Variants in N4BP2L2 observed in about 807,000 individuals in gnomAD.
N4BP2L2 encodes NEDD4 binding protein 2 like 2.
N4BP2L2 carries 50 observed loss-of-function variants against 56.2 expected under a neutral mutation model. The ratio of observed to expected loss-of-function variants is 0.89; its 90% CI spans 0.71 to 1.13. The LOEUF (loss-of-function observed/expected upper bound fraction) is 1.13, where lower values mean the gene tolerates loss of function less well. Ranked by LOEUF, N4BP2L2 falls within the 50% of genes most tolerant of loss-of-function variation. The pLI is 0.00. For synonymous variants in N4BP2L2, 203 were observed against 223.6 expected, an observed-to-expected ratio of 0.91 and a Z score of 0.82; for missense variants, 689 against 693.8, an observed-to-expected ratio of 0.99 and a Z score of 0.08.
At chr13:32,450,709 C>T (rs994993037) in intron 6 of N4BP2L2, among the ~76,000 whole-genome samples, 1 of 136,156 alleles carries the variant, frequency 7.3e-6, no homozygotes, top group Admixed American at 6.9e-5. Context: ...CAGCTCACTG[C>T]AGCCTCTACC....
intron 6 of N4BP2L2, among the ~76,000 whole-genome samples, chr13:32,491,317 C>T (rs2087007926): frequency 6.6e-6 from 1 of 151,942 alleles, no homozygotes; most frequent in South Asian, 2.1e-4. Context: ...CTCAGCATTA[C>T]CATTATTACT....
At chr13:32,520,276 T>C (rs1171729028) in intron 5 of N4BP2L2, among the ~76,000 whole-genome samples, 1 of 151,582 alleles carries the variant, frequency 6.6e-6, no homozygotes, top group Non-Finnish European at 1.5e-5. Context: ...AGGTGAATTG[T>C]AAGGGTACGT....
chr13:32,441,214 C>T lies in N4BP2L2; in HGVS notation c.2104+1174G>A, dbSNP rs573570968. ...TTTAAGTCAACTAGTCAGGCTTCCA[C>T]CTCATCCCTTCAGTATCCTTTTCAG... On this transcript the variant is annotated intron_variant, in intron 7 of 9. Coordinates refer to the N4BP2L2 transcript ENST00000357505. Among the ~76,000 whole-genome samples, 9 of 152,264 alleles carry T rather than the reference C, an allele frequency of 5.9e-5. No homozygotes were observed. In the South Asian group the frequency reaches 1.9e-3, roughly 32 times the overall value.
chr13:32,470,497 T>C (rs1414796838), intron 6 of N4BP2L2, among the ~76,000 whole-genome samples: 3 of 152,212 alleles, frequency 2.0e-5, no homozygotes, highest in Admixed American at 1.3e-4. Context: ...TGACCACAGA[T>C]AGCTTTGGCT....
chr13:32,465,931 C>T (rs367899918), intron 6 of N4BP2L2, among the ~76,000 whole-genome samples: 9 of 152,246 alleles, frequency 5.9e-5, no homozygotes, highest in East Asian at 1.9e-4. Flanking sequence ...GGATTATAGG[C>T]GTGAGCCACC....
chr13:32,458,412 C>A (rs1438308916), intron 6 of N4BP2L2, among the ~76,000 whole-genome samples: 1 of 152,106 alleles, frequency 6.6e-6, no homozygotes, highest in Non-Finnish European at 1.5e-5. Flanking sequence ...ACAAGAAACT[C>A]ATTTCTCCTG....
intron 2 of N4BP2L2, among the ~76,000 whole-genome samples, chr13:32,534,240 CATATT>C (rs2055893809): frequency 6.6e-6 from 1 of 152,152 alleles, no homozygotes; most frequent in African/African-American, 2.4e-5. Context: ...AATAAATATA[CATATT>C]ATATCTAATC....
At chr13:32,489,179 A>G (rs1056584835) in intron 6 of N4BP2L2, among the ~76,000 whole-genome samples, 25 of 152,252 alleles carry the variant, frequency 1.6e-4, no homozygotes, top group African/African-American at 6.0e-4. Flanking sequence ...AGATTCTAAA[A>G]AAGTTTATTT....
chr13:32,488,498 C>T (rs887009704), intron 6 of N4BP2L2, among the ~76,000 whole-genome samples: 2 of 152,078 alleles, frequency 1.3e-5, no homozygotes, highest in African/African-American at 2.4e-5. Flanking sequence ...ACACAATATT[C>T]CCATGTACTC....
At chr13:32,481,757 T>A (rs2084791848) in intron 6 of N4BP2L2, among the ~76,000 whole-genome samples, 1 of 152,202 alleles carries the variant, frequency 6.6e-6, no homozygotes, top group African/African-American at 2.4e-5. Flanking sequence ...TTGTTTAGCT[T>A]TCCTTCTTGA....
intron 6 of N4BP2L2, chr13:32,446,305 A>AT (rs1295165344): frequency 8.1e-7 from 1 of 1,236,200 alleles, no homozygotes; most frequent in African/African-American, 1.5e-5. Context: ...TAAAAAGGAT[A>AT]TTGAGTAAAG....
intron 6 of N4BP2L2, among the ~76,000 whole-genome samples, chr13:32,452,783 A>T (rs1481660856): frequency 1.3e-5 from 2 of 152,226 alleles, no homozygotes; most frequent in Non-Finnish European, 2.9e-5. Flanking sequence ...CCTATCATAA[A>T]CATAATTTCT....
chr13:32,460,133 CTG>C (rs964337026), intron 6 of N4BP2L2, among the ~76,000 whole-genome samples: 1 of 152,010 alleles, frequency 6.6e-6, no homozygotes, highest in African/African-American at 2.4e-5. Flanking sequence ...TCTCAAAAAA[CTG>C]GGCACAGAAG....
At chr13:32,521,803 C>A in intron 4 of N4BP2L2, 1 of 263,944 alleles carries the variant, frequency 3.8e-6, no homozygotes, top group South Asian at 5.1e-5. Context: ...TGGTGAAACC[C>A]TGTCTCTACT....
At chr13:32,516,780 GAGA>G (rs1207886450) in exon 6 of N4BP2L2, 5 of 375,710 alleles carry the variant, frequency 1.3e-5, no homozygotes, top group Non-Finnish European at 1.8e-5. Flanking sequence ...ATGGTATTAA[GAGA>G]AGTAGTAGTG....
downstream of N4BP2L2, among the ~76,000 whole-genome samples, chr13:32,509,579 T>C (rs906530910): frequency 6.6e-6 from 1 of 152,208 alleles, no homozygotes; most frequent in Non-Finnish European, 1.5e-5. Context: ...ACAAGATCCC[T>C]GGTTTTAATT....
intron 6 of N4BP2L2, among the ~76,000 whole-genome samples, chr13:32,445,067 G>A (rs1026729497): frequency 6.6e-6 from 1 of 152,142 alleles, no homozygotes; most frequent in Non-Finnish European, 1.5e-5. Flanking sequence ...TGGCCAACGT[G>A]GCGAAACCCT....
intron 8 of N4BP2L2, among the ~76,000 whole-genome samples, chr13:32,437,194 T>C (rs1395335578): frequency 6.6e-6 from 1 of 152,190 alleles, no homozygotes; most frequent in Non-Finnish European, 1.5e-5. Flanking sequence ...CAAATGTCAA[T>C]TTAAACATTT....
exon 6 of N4BP2L2, chr13:32,515,851 C>G (rs570321906): frequency 2.6e-5 from 4 of 152,352 alleles, no homozygotes; most frequent in African/African-American, 9.6e-5. Context: ...GATTCTCCCC[C>G]CTCAGCCTCC....
Sources: allele counts gnomAD v4.1 joint callset (sites outside exome capture counted in the v4.1 genomes callset), GRCh38; gene constraint gnomAD v4.1.1; transcripts MANE v1.5; gene names NCBI Gene and HGNC (gene_info 2026-07-23, HGNC 2026-07-21).